Variants in SMARCA4 observed in about 807,000 individuals in gnomAD.
SMARCA4 encodes the protein SWI/SNF-related matrix-associated actin-dependent regulator of chromatin subfamily A member 4.
SMARCA4 carries 31 observed loss-of-function variants against 193.9 expected under a neutral mutation model. That is an observed-to-expected ratio of 0.16 (90% CI 0.12 to 0.22). The LOEUF (loss-of-function observed/expected upper bound fraction) is 0.22, where lower values mean the gene tolerates loss of function less well. Ranked by LOEUF, SMARCA4 falls within the 10% of genes least tolerant of loss-of-function variation. The probability of loss-of-function intolerance (pLI) is 1.00; values close to 1 mark genes in which losing one functional copy is unlikely to be tolerated. For missense variants in SMARCA4, 1,148 were observed against 2,296.0 expected, an observed-to-expected ratio of 0.50 and a Z score of 10.22; for synonymous variants, 942 against 933.1, an observed-to-expected ratio of 1.01 and a Z score of -0.17.
In SMARCA4 at chr19:11,035,096, C is replaced by T. The variant is rs1600407148; in HGVS notation, c.4134C>T (p.Asp1378=). 6.2e-7 allele frequency: 1 copy of T among 1,613,048 alleles called. No homozygotes were observed. The highest frequency in any genetic ancestry group is 1.1e-5 in the South Asian group (1 of 91,062). The stretch of plus-strand genomic sequence containing the variant: ...GCTCCCGCCACCGCAAGGAGGTGGA[C>T]TACAGCGACTCACTGACGGAGAAGC... The part of the protein sequence containing the change: ...GRGSRHRKEV[D]YSDSLTEKQW... The change falls in exon 29 of 35, where the codon GAC becomes GAT. Residue 1378 remains aspartate, a synonymous_variant. Transcript: ENST00000344626.
At chr19:10,967,961 C>G (rs2084368341) in intron 1 of SMARCA4, among the ~76,000 whole-genome samples, 1 of 151,978 alleles carries the variant, frequency 6.6e-6, no homozygotes, top group Admixed American at 6.6e-5. Context: ...ACTGCAATCT[C>G]CGCCTCCCGG....
intron 23 of SMARCA4, 95 bp downstream of exon 23, chr19:11,026,441 A>G (rs2090265017): frequency 5.7e-6 from 5 of 878,574 alleles, no homozygotes; most frequent in South Asian, 4.0e-5. Flanking sequence ...ATGTTGTCCA[A>G]TTTCAAAGGC....
At chr19:11,029,399 A>G (rs781666424) in intron 24 of SMARCA4, among the ~76,000 whole-genome samples, 2 of 152,244 alleles carry the variant, frequency 1.3e-5, no homozygotes, top group Non-Finnish European at 2.9e-5. Context: ...TGTCCTCTGC[A>G]TGTGATGTGG....
At chr19:10,998,727 C>A (rs1345437933) in intron 11 of SMARCA4, among the ~76,000 whole-genome samples, 2 of 152,056 alleles carry the variant, frequency 1.3e-5, no homozygotes, top group Admixed American at 6.6e-5. Flanking sequence ...AAAATGATTT[C>A]TTTTGGTCAT....
intron 29 of SMARCA4, chr19:11,039,435 G>A (rs780660001): frequency 1.3e-6 from 2 of 1,492,552 alleles, no homozygotes; most frequent in Non-Finnish European, 9.2e-7. Context: ...ACACTAAACA[G>A]ACATTAAAAA....
intron 20 of SMARCA4, among the ~76,000 whole-genome samples, 163 bp from the exon 21 acceptor site, chr19:11,024,168 C>G (rs1009912905): frequency 6.6e-5 from 10 of 152,184 alleles, no homozygotes; most frequent in South Asian, 2.1e-4. Flanking sequence ...TTGCCCAGGT[C>G]TCCCCTCTTC....
intron 14 of SMARCA4, among the ~76,000 whole-genome samples, chr19:11,009,201 T>C (rs1463025317): frequency 1.3e-5 from 2 of 151,384 alleles, no homozygotes; most frequent in African/African-American, 4.9e-5. Flanking sequence ...TTTGTGTTTT[T>C]AGTAGAGATG....
At chr19:11,054,655 G>A (rs1207882761) in intron 30 of SMARCA4, among the ~76,000 whole-genome samples, 1 of 152,180 alleles carries the variant, frequency 6.6e-6, no homozygotes, top group African/African-American at 2.4e-5. Context: ...AGCTAGGTGT[G>A]GTGGTGCACC....
In SMARCA4 at chr19:11,061,861, T is replaced by G. The variant is rs1418057094; in HGVS notation, c.*45T>G. 1 of 1,583,982 alleles carries G rather than the reference T, an allele frequency of 6.3e-7. No homozygotes were observed. The highest frequency in any genetic ancestry group is 8.7e-7 in the Non-Finnish European group (1 of 1,152,712). On this transcript the variant is annotated 3_prime_UTR_variant, in exon 35 of 35. Coordinates refer to ENST00000344626, the MANE Select transcript of SMARCA4 (RefSeq NM_003072.5). The stretch of plus-strand genomic sequence containing the variant: ...GACCCCGAGCCCCTCGTTCCAGAGC[T>G]GAGATGGCATAGGCCTTAGCAGTAA...
intron 30 of SMARCA4, among the ~76,000 whole-genome samples, chr19:11,050,914 A>G (rs1455389414): frequency 6.6e-6 from 1 of 152,212 alleles, no homozygotes; most frequent in African/African-American, 2.4e-5. Flanking sequence ...TCTGCTTGGC[A>G]CATAGCCTGG....
chr19:11,024,500 G>A (rs2090109978), intron 21 of SMARCA4, 62 bp downstream of exon 21: 1 of 1,077,720 alleles, frequency 9.3e-7, no homozygotes, highest in East Asian at 2.4e-5. Context: ...CAGCGTGGCA[G>A]GCAGAGCAGA....
chr19:11,059,936 C>T (rs2076763374), intron 33 of SMARCA4, 51 bp downstream of exon 33: 1 of 1,613,448 alleles, frequency 6.2e-7, no homozygotes, highest in Non-Finnish European at 8.5e-7. Flanking sequence ...GCCCGAGAGC[C>T]CCCAAGGCCC....
At chr19:10,980,478 T>C (rs2085472333) in intron 1 of SMARCA4, among the ~76,000 whole-genome samples, 1 of 151,980 alleles carries the variant, frequency 6.6e-6, no homozygotes. Flanking sequence ...GTTCTAATGC[T>C]CAGTGTAAAG....
chr19:10,994,232 G>T (rs1222683724), intron 8 of SMARCA4, among the ~76,000 whole-genome samples: 1 of 151,412 alleles, frequency 6.6e-6, no homozygotes, highest in Non-Finnish European at 1.5e-5. Flanking sequence ...TAGTAGAGAT[G>T]GGGTTTCACT....
rs2076686032 is a variant in SMARCA4 at position 11,058,724 on chromosome 19, G to A, written c.4534-64G>A. The A allele has an allele frequency of 1.6e-5, 23 of 1,409,162 alleles. No homozygotes were observed. The South Asian group carries it at 2.3e-4, about 14-fold the overall frequency. The allele number at this position is 1,409,162 out of a possible 1,614,324, so 87.3% of individuals were successfully genotyped here. On this transcript the variant is annotated intron_variant, in intron 31 of 34. Transcript: ENST00000344626. The surrounding 1 kb of genome is among the most constrained non-coding windows in gnomAD (Gnocchi z 5.8). Reference sequence around the variant, plus strand: ...TAGCCCGTGGGGTCTCCAGCACACAGCCAGGCCTGCGGGCAGGCGAGGCGG... The same window carrying A: ...TAGCCCGTGGGGTCTCCAGCACACAACCAGGCCTGCGGGCAGGCGAGGCGG...
chr19:11,005,502 C>G (rs1299684568), intron 13 of SMARCA4, among the ~76,000 whole-genome samples: 1 of 152,142 alleles, frequency 6.6e-6, no homozygotes, highest in African/African-American at 2.4e-5. Flanking sequence ...ACATTTGGGC[C>G]ATTGTCGGGT....
At position 11,010,509 on chromosome 19, in the gene SMARCA4, A is replaced by G. The variant is rs2146238487; in HGVS notation, c.2252A>G (p.Asn751Ser). 1 of 1,613,972 alleles carries G rather than the reference A, an allele frequency of 6.2e-7. No homozygotes were observed. Among genetic ancestry groups the G allele is most frequent in the Non-Finnish European group, 8.5e-7 (1 of 1,180,004 alleles). ...GACAAGCAGTCAGCGCTTATGGTCAATGGTGTCCTCAAACAGTACCAGGTG... is the reference window on the plus strand; with the variant it reads ...GACAAGCAGTCAGCGCTTATGGTCAGTGGTGTCCTCAAACAGTACCAGGTG... The part of the protein sequence containing the change: ...RVDKQSALMV[N>S]GVLKQYQIKG... Residue 751 changes from asparagine (N) to serine (S), a missense_variant, in exon 15 of 35, where the codon AAT becomes AGT. Asn to Ser is a conservative substitution (Grantham distance 46). Transcript: ENST00000344626.
At chr19:11,053,258 C>T (rs900052197) in intron 30 of SMARCA4, among the ~76,000 whole-genome samples, 15 of 152,068 alleles carry the variant, frequency 9.9e-5, no homozygotes, top group Non-Finnish European at 8.8e-5. Flanking sequence ...CCAAGGCTGG[C>T]GAATCGCTGG....
rs558392151 is a variant in SMARCA4, at chr19:11,008,973, CAAAAA to C, written c.2123+960_2123+964del. On this transcript the variant is annotated intron_variant, in intron 14 of 34. Transcript: ENST00000344626. ...TGGGCAACAGAGGGAGACTCCATCTCAAAAAAAAAAAAAATGTAGGTGGATAAAAG... is the reference window on the plus strand; with the variant it reads ...TGGGCAACAGAGGGAGACTCCATCTCAAAAAAAAATGTAGGTGGATAAAAG... Among the ~76,000 whole-genome samples the C allele has an allele frequency of 4.2e-4, 21 of 50,034 alleles. No homozygotes were observed. In the Admixed American group the frequency reaches 5.3e-3, roughly 13 times the overall value. The allele number at this position is 50,034 out of a possible 152,430, so 32.8% of individuals were successfully genotyped here. A position where few individuals can be genotyped will look rare whatever the true frequency, so the allele number is the denominator to read the frequency against.
Sources: allele counts gnomAD v4.1 joint callset (sites outside exome capture counted in the v4.1 genomes callset), GRCh38; gene constraint gnomAD v4.1.1; non-coding constraint Gnocchi (gnomAD v3.1); transcripts MANE v1.5; gene names NCBI Gene and HGNC (gene_info 2026-07-23, HGNC 2026-07-21).